Variants in SMG6 observed in about 807,000 individuals in gnomAD.
SMG6 encodes the protein SMG6 nonsense mediated mRNA decay factor.
In SMG6, 66 loss-of-function variants were observed where a neutral mutation model predicts 142.2. The ratio of observed to expected loss-of-function variants is 0.46; its 90% CI spans 0.38 to 0.57. The LOEUF (loss-of-function observed/expected upper bound fraction) is 0.57, where lower values mean the gene tolerates loss of function less well. SMG6 is among the 20% of genes least tolerant of loss of function. SMG6 has a pLI of 0.00. For synonymous variants in SMG6, 779 were observed against 702.4 expected (o/e 1.11, Z -1.72); for missense variants, 1,793 against 1,832.0 (o/e 0.98, Z 0.39).
chr17:2,112,141 G>A (rs949177685), intron 13 of SMG6, among the ~76,000 whole-genome samples: 16 of 151,924 alleles, frequency 1.1e-4, no homozygotes, highest in Non-Finnish European at 2.2e-4. Context: ...CTTGGGAAAA[G>A]GAGGTATCTT....
intron 10 of SMG6, among the ~76,000 whole-genome samples, chr17:2,205,689 C>A (rs1214175470): frequency 1.3e-5 from 2 of 152,128 alleles, no homozygotes; most frequent in African/African-American, 4.8e-5. Context: ...AAAAACAACT[C>A]CTTTTTCTCA....
intron 13 of SMG6, among the ~76,000 whole-genome samples, chr17:2,099,678 T>A (rs2068953001): frequency 6.6e-6 from 1 of 152,174 alleles, no homozygotes; most frequent in Non-Finnish European, 1.5e-5. Flanking sequence ...AGAAGCTTTG[T>A]TAACGAAAAC....
intron 15 of SMG6, among the ~76,000 whole-genome samples, chr17:2,077,185 T>C (rs952638345): frequency 2.0e-5 from 3 of 152,220 alleles, no homozygotes; most frequent in Admixed American, 2.0e-4. Context: ...CCCCAGACAC[T>C]GGCACAGTAA....
At chr17:2,221,935 A>G (rs923053040) in intron 10 of SMG6, among the ~76,000 whole-genome samples, 2 of 152,210 alleles carry the variant, frequency 1.3e-5, no homozygotes, top group Non-Finnish European at 2.9e-5. Flanking sequence ...GGGTTTCGCC[A>G]TGTTGGCCAG....
At chr17:2,160,995 T>A (rs1475589667) in intron 13 of SMG6, among the ~76,000 whole-genome samples, 1 of 152,074 alleles carries the variant, frequency 6.6e-6, no homozygotes, top group East Asian at 1.9e-4. Context: ...ATTCTCCTCT[T>A]AACCAATTTT....
At chr17:2,287,161 C>A (rs187531216) in intron 6 of SMG6, among the ~76,000 whole-genome samples, 1 of 152,002 alleles carries the variant, frequency 6.6e-6, no homozygotes, top group Admixed American at 6.6e-5. Context: ...CCTCGTGATC[C>A]GCCCGCCTCG....
intron 17 of SMG6, 97 bp downstream of exon 17, chr17:2,065,371 G>T: frequency 1.6e-6 from 2 of 1,285,376 alleles, no homozygotes; most frequent in Non-Finnish European, 2.2e-6. Flanking sequence ...CTGGCCCTCA[G>T]CTGCCCAGGC....
intron 6 of SMG6, 94 bp downstream of exon 6, chr17:2,292,458 G>C (rs755257779): frequency 1.6e-6 from 2 of 1,228,322 alleles, no homozygotes; most frequent in African/African-American, 1.5e-5. Context: ...ACAGTGATGA[G>C]ATGAAATGAA....
chr17:2,297,969 T>C lies in SMG6; in HGVS notation c.1934A>G (p.Lys645Arg). Residue 645 changes from lysine to arginine, a missense_variant, in exon 3 of 19, where the codon AAG becomes AGG. Coordinates refer to ENST00000263073, the MANE Select transcript of SMG6 (RefSeq NM_017575.5). ...DNQNVDQILW[K>R]NAFYQVIEKF... Reference sequence around the variant, plus strand: ...CTCAATCACCTGATAGAAAGCATTCTTCCACAGGATCTGATCCACATTCTG... The same window carrying C: ...CTCAATCACCTGATAGAAAGCATTCCTCCACAGGATCTGATCCACATTCTG... The C allele has an allele frequency of 6.2e-7, 1 of 1,613,508 alleles. No homozygotes were observed. Among genetic ancestry groups the C allele is most frequent in the African/African-American group, 1.3e-5 (1 of 75,050 alleles).
chr17:2,086,914 C>A (rs906748928), intron 13 of SMG6, among the ~76,000 whole-genome samples: 1 of 152,194 alleles, frequency 6.6e-6, no homozygotes, highest in Non-Finnish European at 1.5e-5. Flanking sequence ...GGCCATTCCA[C>A]ATGGGAAACA....
intron 13 of SMG6, among the ~76,000 whole-genome samples, chr17:2,170,465 A>G (rs1006085228): frequency 6.6e-6 from 1 of 152,350 alleles, no homozygotes; most frequent in South Asian, 2.1e-4. Flanking sequence ...TGATCACCAA[A>G]GAAAAGTATG....
intron 13 of SMG6, among the ~76,000 whole-genome samples, chr17:2,164,962 G>A (rs1316140616): frequency 1.3e-5 from 2 of 152,020 alleles, no homozygotes; most frequent in African/African-American, 4.8e-5. Context: ...AATCCTTGAT[G>A]ACATCTGCAA....
At chr17:2,151,001 G>A (rs542892608) in intron 13 of SMG6, among the ~76,000 whole-genome samples, 1 of 152,304 alleles carries the variant, frequency 6.6e-6, no homozygotes, top group South Asian at 2.1e-4. Flanking sequence ...TTCTGTAGAT[G>A]CTGGGGAACA....
chr17:2,167,714 T>G (rs556504391), intron 13 of SMG6, among the ~76,000 whole-genome samples: 99 of 152,322 alleles, frequency 6.5e-4, no homozygotes, highest in African/African-American at 2.4e-3. Context: ...CGTAAGTATC[T>G]GCAGAATAAG....
intron 13 of SMG6, among the ~76,000 whole-genome samples, chr17:2,121,583 C>CTGTGTGTGTGTGTGTGTGTGTGTGTG (rs1173330822): frequency 8.5e-6 from 1 of 118,200 alleles, no homozygotes; most frequent in African/African-American, 2.8e-5. Context: ...ATGTACATGT[C>CTGTGTGTGTGTGTGTGTGTGTGTGTG]TGTCTGTGTG....
chr17:2,212,938 A>G (rs2072907990), intron 10 of SMG6, among the ~76,000 whole-genome samples: 1 of 152,240 alleles, frequency 6.6e-6, no homozygotes, highest in Non-Finnish European at 1.5e-5. Context: ...AAGCCATTAC[A>G]TTTCTAGACA....
intron 15 of SMG6, among the ~76,000 whole-genome samples, chr17:2,074,406 C>G (rs2068200303): frequency 6.6e-6 from 1 of 152,158 alleles, no homozygotes; most frequent in Admixed American, 6.5e-5. Flanking sequence ...ACTGAGGGTG[C>G]TAGAAAAGGC....
chr17:2,098,170 C>G (rs78297368), intron 13 of SMG6, among the ~76,000 whole-genome samples: 4,058 of 152,140 alleles, frequency 0.027, 79 homozygotes, highest in Non-Finnish European at 0.043. Flanking sequence ...TCTGTAGAGA[C>G]GGGGTTTCAC....
intron 15 of SMG6, among the ~76,000 whole-genome samples, chr17:2,077,792 G>A (rs1207905420): frequency 6.6e-6 from 1 of 152,136 alleles, no homozygotes; most frequent in Admixed American, 6.6e-5. Context: ...TCAGCCTCCT[G>A]AGTAGTTGGA....
Sources: gnomAD v4.1 joint callset for allele counts (sites outside exome capture counted in the v4.1 genomes callset) on GRCh38, gnomAD v4.1.1 for gene constraint, MANE v1.5 for transcripts, NCBI Gene and HGNC (gene_info 2026-07-23, HGNC 2026-07-21) for gene names.